PARN: variants seen among roughly 807,000 people sequenced by gnomAD.
PARN encodes poly(A)-specific ribonuclease.
A neutral mutation model predicts 102.8 loss-of-function variants in PARN; 71 were observed. The observed-to-expected ratio is 0.69, with a 90% CI of 0.57 to 0.84. The LOEUF (loss-of-function observed/expected upper bound fraction) is 0.84. PARN is among the 40% of genes least tolerant of loss of function. The pLI is 0.00. For missense variants in PARN, 782 were observed against 760.9 expected (o/e 1.03, Z -0.33); for synonymous variants, 261 against 252.9 (o/e 1.03, Z -0.30).
At chr16:14,586,887 T>C (rs769821719) in intron 13 of PARN, among the ~76,000 whole-genome samples, 8 of 152,206 alleles carry the variant, frequency 5.3e-5, no homozygotes, top group Admixed American at 2.0e-4. Flanking sequence ...TCAATACACA[T>C]ATGATTCCTG....
chr16:14,599,956 T>A lies in PARN; in HGVS notation c.788A>T (p.Glu263Val), dbSNP rs776782216. The A allele has an allele frequency of 1.9e-6, 3 of 1,577,338 alleles. No homozygotes were observed. In the African/African-American group the frequency reaches 4.1e-5, roughly 21 times the overall value. ...EQQKHAKEQE[E>V]LNDAVGFSRV... ...AGAAAATCCCACAGCATCATTCAGC[T>A]CCTCCTAATTAAAAAAATATATACA... is the stretch of plus-strand genomic sequence containing the variant. Residue 263 changes from glutamate (E) to valine (V), a missense_variant, in exon 12 of 24, where the codon GAG (glutamate) becomes GTG (valine). By Grantham distance (121) the Glu-to-Val change is moderately radical. Coordinates refer to ENST00000437198, the MANE Select transcript of PARN (RefSeq NM_002582.4).
intron 16 of PARN, among the ~76,000 whole-genome samples, chr16:14,583,581 A>G (rs1037648968): frequency 6.6e-6 from 1 of 152,186 alleles, no homozygotes; most frequent in African/African-American, 2.4e-5. Flanking sequence ...TGGCCCCACC[A>G]CCACTTTTCT....
intron 21 of PARN, among the ~76,000 whole-genome samples, chr16:14,533,371 G>A (rs190254303): frequency 3.6e-4 from 54 of 149,272 alleles, no homozygotes; most frequent in Non-Finnish European, 5.5e-4. Context: ...GTCCAGCTTC[G>A]GCTTGGCATC....
chr16:14,525,980 G>C (rs1320620089), intron 21 of PARN, among the ~76,000 whole-genome samples: 1 of 151,660 alleles, frequency 6.6e-6, no homozygotes, highest in Non-Finnish European at 1.5e-5. Context: ...CACCAGGCCC[G>C]GCTAATTTTT....
chr16:14,516,405 G>A (rs1425653025), intron 21 of PARN, among the ~76,000 whole-genome samples: 3 of 151,910 alleles, frequency 2.0e-5, no homozygotes, highest in East Asian at 3.9e-4. Flanking sequence ...ATACATCTGC[G>A]AAAACGGATC....
At chr16:14,590,360 C>T (rs564723201) in intron 13 of PARN, among the ~76,000 whole-genome samples, 7 of 149,794 alleles carry the variant, frequency 4.7e-5, no homozygotes, top group South Asian at 4.2e-4. Flanking sequence ...CCAGGCCAGA[C>T]GTGGTGGCTC....
chr16:14,604,219 C>T lies in PARN; in HGVS notation c.710G>A (p.Arg237Gln), dbSNP rs376992177. 17 of 1,579,270 alleles carry T rather than the reference C, an allele frequency of 1.1e-5. No individual in the cohort carries two copies. The highest frequency in any genetic ancestry group is 9.4e-5 in the African/African-American group (7 of 74,360). The stretch of plus-strand genomic sequence containing the variant: ...ATCTACTTTGCTGATAACTATATAT[C>T]GCTCCTTCTAAAAGACATAAAGCAG... ...VETLETEKKE[R>Q]YIVISKVDEE... Residue 237 changes from arginine (R) to glutamine (Q), a missense_variant, in exon 11 of 24, where the codon CGA (arginine) becomes CAA (glutamine). Physicochemically the swap from Arg to Gln is conservative, Grantham distance 43. Transcript: ENST00000437198.
intron 21 of PARN, among the ~76,000 whole-genome samples, chr16:14,488,580 C>T (rs1963866905): frequency 6.6e-6 from 1 of 152,152 alleles, no homozygotes; most frequent in Admixed American, 6.5e-5. Flanking sequence ...AGCACGGTCA[C>T]CGCACAGAAG....
At chr16:14,501,299 A>G (rs998575596) in intron 21 of PARN, among the ~76,000 whole-genome samples, 3 of 98,196 alleles carry the variant, frequency 3.1e-5, no homozygotes, top group South Asian at 2.9e-4. Flanking sequence ...AAAAACAATA[A>G]TAATAATAAT....
At chr16:14,488,907 AAGAG>A (rs933269616) in intron 21 of PARN, among the ~76,000 whole-genome samples, 5 of 152,320 alleles carry the variant, frequency 3.3e-5, no homozygotes, top group Middle Eastern at 3.4e-3. Context: ...GCTAAAAAGA[AAGAG>A]AAAGAGGGCT....
intron 21 of PARN, among the ~76,000 whole-genome samples, chr16:14,522,286 C>G (rs1388254563): frequency 1.3e-5 from 2 of 152,122 alleles, no homozygotes; most frequent in African/African-American, 4.8e-5. Flanking sequence ...GTGGGCTGAG[C>G]TAAGGTAGAG....
intron 13 of PARN, among the ~76,000 whole-genome samples, chr16:14,591,352 C>T (rs1358172658): frequency 1.3e-5 from 2 of 150,356 alleles, no homozygotes; most frequent in Non-Finnish European, 2.9e-5. Context: ...GATTGCACCA[C>T]TGCACTCCAG....
chr16:14,546,650 G>A (rs1425296146), intron 21 of PARN, among the ~76,000 whole-genome samples: 1 of 152,162 alleles, frequency 6.6e-6, no homozygotes, highest in Admixed American at 6.5e-5. Flanking sequence ...GTCCTACGAT[G>A]CATTTAAAGA....
Position 14,516,524 on chromosome 16 carries a change from T to C in PARN, c.1481-33697A>G, listed in dbSNP as rs184186872. 3.1e-4 allele frequency among the ~76,000 whole-genome samples: 47 copies of C among 152,314 alleles called. 1 individual carries two copies. The East Asian group carries it at 5.0e-3, about 16-fold the overall frequency. Reference sequence around the variant, plus strand: ...TCAAGAAAAAAAAGTCAGATTGCCATCACACTTTGAGAGAAGCATTTCAAG... The same window carrying C: ...TCAAGAAAAAAAAGTCAGATTGCCACCACACTTTGAGAGAAGCATTTCAAG... On this transcript the variant is annotated intron_variant, in intron 21 of 23. Coordinates refer to ENST00000437198, the MANE Select transcript of PARN (RefSeq NM_002582.4).
intron 5 of PARN, among the ~76,000 whole-genome samples, chr16:14,625,680 A>G (rs980332433): frequency 6.6e-6 from 1 of 152,206 alleles, no homozygotes; most frequent in African/African-American, 2.4e-5. Context: ...GCCCATAAGC[A>G]TATGATTAAC....
intron 21 of PARN, among the ~76,000 whole-genome samples, chr16:14,524,522 A>C (rs1277618257): frequency 6.6e-6 from 1 of 152,238 alleles, no homozygotes; most frequent in Non-Finnish European, 1.5e-5. Context: ...ACTGCTTGCA[A>C]GCATTCGAAG....
intron 12 of PARN, among the ~76,000 whole-genome samples, chr16:14,599,076 T>C (rs1303494495): frequency 7.2e-6 from 1 of 139,036 alleles, no homozygotes; most frequent in Non-Finnish European, 1.5e-5. Context: ...ACAGGGTCTG[T>C]CTGTCACCCA....
chr16:14,581,348 G>A (rs1190235324), intron 17 of PARN, among the ~76,000 whole-genome samples: 3 of 152,018 alleles, frequency 2.0e-5, no homozygotes, highest in Non-Finnish European at 2.9e-5. Flanking sequence ...CACTGCGCCC[G>A]GCCTGTGAAA....
At chr16:14,596,507 C>G (rs976116743) in intron 12 of PARN, among the ~76,000 whole-genome samples, 1 of 151,624 alleles carries the variant, frequency 6.6e-6, no homozygotes, top group African/African-American at 2.4e-5. Flanking sequence ...GGCTGAGGCG[C>G]GGGAGACTGC....
Sources: allele counts gnomAD v4.1 joint callset (sites outside exome capture counted in the v4.1 genomes callset), GRCh38; gene constraint gnomAD v4.1.1; transcripts MANE v1.5; gene names NCBI Gene and HGNC (gene_info 2026-07-23, HGNC 2026-07-21).